Variants in HYCC1 observed in about 807,000 individuals in gnomAD.
HYCC1 encodes hyccin PI4KA lipid kinase complex subunit 1, also known as hyccin.
the HYCC1 span, among the ~76,000 whole-genome samples, chr7:22,901,483 G>A: frequency 2.0e-5 from 3 of 152,012 alleles, no homozygotes; most frequent in Admixed American, 2.0e-4. Flanking sequence ...ACTATATACT[G>A]TCTACAAGAA....
chr7:22,936,061 T>C, the HYCC1 span: 2 of 150,882 alleles, frequency 1.3e-5, no homozygotes, highest in Non-Finnish European at 2.9e-5. Flanking sequence ...TCTACCTCAC[T>C]GATTACATTG....
the HYCC1 span, among the ~76,000 whole-genome samples, chr7:22,992,236 G>A: frequency 6.6e-6 from 1 of 151,790 alleles, no homozygotes; most frequent in Non-Finnish European, 1.5e-5. Context: ...TACATTCTAA[G>A]GTTCCTGCTG....
the HYCC1 span, among the ~76,000 whole-genome samples, chr7:22,995,231 T>C: frequency 2.6e-5 from 4 of 152,112 alleles, no homozygotes; most frequent in African/African-American, 7.2e-5. Flanking sequence ...TCTATCACCA[T>C]CATCTATCAA....
chr7:22,978,244 TTTG>T, the HYCC1 span: 1 of 1,609,328 alleles, frequency 6.2e-7, no homozygotes, highest in Non-Finnish European at 8.5e-7. Flanking sequence ...CAAAAAAGAT[TTTG>T]TTAACTCCAT....
the HYCC1 span, among the ~76,000 whole-genome samples, chr7:22,973,760 ATTCAG>A: frequency 6.6e-6 from 1 of 152,164 alleles, no homozygotes; most frequent in Non-Finnish European, 1.5e-5. Flanking sequence ...TTGAAGAATT[ATTCAG>A]TTCCCTGGTC....
chr7:22,918,568 C>G, the HYCC1 span, among the ~76,000 whole-genome samples: 1 of 152,118 alleles, frequency 6.6e-6, no homozygotes, highest in Non-Finnish European at 1.5e-5. Context: ...GGCCTCTGAG[C>G]CCAAGCCTGC....
At chr7:23,000,320 T>C in the HYCC1 span, among the ~76,000 whole-genome samples, 2 of 151,854 alleles carry the variant, frequency 1.3e-5, no homozygotes, top group African/African-American at 4.8e-5. Flanking sequence ...ACAAAATATA[T>C]CTCCTCAACC....
chr7:22,932,808 C>T, the HYCC1 span, among the ~76,000 whole-genome samples: 1 of 152,162 alleles, frequency 6.6e-6, no homozygotes. Flanking sequence ...TCCCCCAAAA[C>T]ACATTGGTCT....
chr7:22,909,171 G>A, the HYCC1 span, among the ~76,000 whole-genome samples: 1 of 152,216 alleles, frequency 6.6e-6, no homozygotes, highest in Non-Finnish European at 1.5e-5. Flanking sequence ...GGGCCTGGGG[G>A]AAAGTGATTG....
chr7:22,982,697 A>C, the HYCC1 span, among the ~76,000 whole-genome samples: 2 of 152,090 alleles, frequency 1.3e-5, no homozygotes, highest in African/African-American at 4.8e-5. Context: ...CTATTGTCAT[A>C]GCTTCCTAGT....
the HYCC1 span, among the ~76,000 whole-genome samples, chr7:22,951,698 A>C: frequency 6.6e-6 from 1 of 151,940 alleles, no homozygotes; most frequent in African/African-American, 2.4e-5. Context: ...AAAACTCAGA[A>C]ACAAATTTCT....
the HYCC1 span, chr7:22,976,656 G>A: frequency 8.1e-7 from 1 of 1,237,092 alleles, no homozygotes; most frequent in Non-Finnish European, 1.2e-6. Flanking sequence ...TAAAAAATTA[G>A]TGGATTAAGA....
At chr7:22,943,397 T>C in the HYCC1 span, 1 of 152,158 alleles carries the variant, frequency 6.6e-6, no homozygotes, top group Non-Finnish European at 1.5e-5. Context: ...AGAATGCAAA[T>C]TCTGATTTAG....
the HYCC1 span, among the ~76,000 whole-genome samples, chr7:22,961,062 T>TA: frequency 6.6e-6 from 1 of 151,630 alleles, no homozygotes; most frequent in Non-Finnish European, 1.5e-5. Context: ...AAAGAAAATT[T>TA]AAAAAAAAAT....
the HYCC1 span, chr7:22,964,323 C>G: frequency 7.7e-6 from 6 of 782,116 alleles, no homozygotes; most frequent in African/African-American, 6.9e-5. Flanking sequence ...AATCACTTAT[C>G]TATTGACATT....
the HYCC1 span, among the ~76,000 whole-genome samples, chr7:22,960,077 G>C: frequency 2.0e-4 from 31 of 151,904 alleles, no homozygotes; most frequent in Non-Finnish European, 4.3e-4. Context: ...TAACATAAGG[G>C]GCTCCATTTT....
chr7:22,932,694 C>A, the HYCC1 span, among the ~76,000 whole-genome samples: 1 of 152,038 alleles, frequency 6.6e-6, no homozygotes, highest in Non-Finnish European at 1.5e-5. Context: ...CTGGAATGGG[C>A]TAAGACTTTG....
At chr7:22,986,788 C>G in the HYCC1 span, among the ~76,000 whole-genome samples, 1 of 152,178 alleles carries the variant, frequency 6.6e-6, no homozygotes, top group South Asian at 2.1e-4. Context: ...GCAGAGGTTG[C>G]AGTGAGCTGA....
At chr7:23,012,055 T>C in the HYCC1 span, among the ~76,000 whole-genome samples, 1 of 152,230 alleles carries the variant, frequency 6.6e-6, no homozygotes, top group Non-Finnish European at 1.5e-5. Context: ...ACAAGAGCTA[T>C]GACATTCATT....
Sources: allele counts gnomAD v4.1 joint callset (sites outside exome capture counted in the v4.1 genomes callset), GRCh38; gene constraint gnomAD v4.1.1; transcripts MANE v1.5; gene names NCBI Gene and HGNC (gene_info 2026-07-23, HGNC 2026-07-21).